Variants in LOC400499 observed in about 807,000 individuals in gnomAD.
At chr16:11,491,683 C>T in the LOC400499 span, 3,309 of 384,404 alleles carry the variant, frequency 8.6e-3, 90 homozygotes, top group African/African-American at 0.061. Context: ...CCCTCCCACA[C>T]ACACACCCAT....
the LOC400499 span, among the ~76,000 whole-genome samples, chr16:11,426,720 G>A: frequency 6.6e-6 from 1 of 151,352 alleles, no homozygotes; most frequent in Non-Finnish European, 1.5e-5. Flanking sequence ...TTTAAGCTCA[G>A]GCATTCCAGA....
chr16:11,427,973 G>A, the LOC400499 span, among the ~76,000 whole-genome samples: 2 of 152,304 alleles, frequency 1.3e-5, no homozygotes, highest in African/African-American at 4.8e-5. Context: ...CAGACCCCAA[G>A]ACAGGCTTCT....
chr16:11,464,701 G>T, the LOC400499 span, among the ~76,000 whole-genome samples: 1 of 152,226 alleles, frequency 6.6e-6, no homozygotes, highest in Non-Finnish European at 1.5e-5. Context: ...GCTCCAGAAA[G>T]TTCCGGAGTT....
the LOC400499 span, among the ~76,000 whole-genome samples, chr16:11,506,509 A>G: frequency 1.3e-5 from 2 of 152,110 alleles, no homozygotes; most frequent in Non-Finnish European, 2.9e-5. Context: ...AGAACACCCA[A>G]GATTGGTGAT....
the LOC400499 span, among the ~76,000 whole-genome samples, chr16:11,388,856 G>C: frequency 7.9e-5 from 12 of 152,186 alleles, no homozygotes; most frequent in Admixed American, 4.6e-4. Context: ...AGCACTTTGA[G>C]AGGCCAAGTT....
chr16:11,428,553 G>T, the LOC400499 span, among the ~76,000 whole-genome samples: 1 of 152,298 alleles, frequency 6.6e-6, no homozygotes, highest in South Asian at 2.1e-4. Flanking sequence ...GCGCTGGTGG[G>T]AATGTAGTAA....
the LOC400499 span, chr16:11,446,526 AG>A: frequency 4.6e-6 from 7 of 1,533,738 alleles, no homozygotes; most frequent in African/African-American, 9.6e-5. Context: ...GGGGTGCAAA[AG>A]TCTCTGGGGT....
the LOC400499 span, among the ~76,000 whole-genome samples, chr16:11,375,468 C>T: frequency 7.1e-6 from 1 of 141,482 alleles, no homozygotes; most frequent in Non-Finnish European, 1.5e-5. Flanking sequence ...CATACACCAC[C>T]ACTCCTGGCT....
chr16:11,457,860 TACG>T, the LOC400499 span, among the ~76,000 whole-genome samples: 5 of 152,222 alleles, frequency 3.3e-5, no homozygotes, highest in Admixed American at 2.0e-4. Context: ...TGACACATGC[TACG>T]ATATGGATGA....
the LOC400499 span, among the ~76,000 whole-genome samples, chr16:11,400,613 A>G: frequency 6.6e-6 from 1 of 151,710 alleles, no homozygotes; most frequent in Non-Finnish European, 1.5e-5. Flanking sequence ...GCTAATTTTT[A>G]TATTTTTAGT....
chr16:11,383,703 C>A, the LOC400499 span: 1 of 1,232,482 alleles, frequency 8.1e-7, no homozygotes, highest in East Asian at 3.2e-5. Flanking sequence ...TGTAGGCGGC[C>A]GCCAGGTTGC....
the LOC400499 span, among the ~76,000 whole-genome samples, chr16:11,417,164 A>C: frequency 0.18 from 27,418 of 151,202 alleles, 2,848 homozygotes; most frequent in African/African-American, 0.29. Context: ...AAAATAAGGT[A>C]TTCACAGATG....
At chr16:11,499,094 G>T in the LOC400499 span, among the ~76,000 whole-genome samples, 3 of 46,638 alleles carry the variant, frequency 6.4e-5, 1 homozygote, top group East Asian at 2.2e-3. Context: ...AGGGGAGGGG[G>T]AAGGGAGAAA....
the LOC400499 span, among the ~76,000 whole-genome samples, chr16:11,513,170 G>A: frequency 2.6e-5 from 4 of 152,132 alleles, no homozygotes; most frequent in South Asian, 4.1e-4. Flanking sequence ...TTGGGAGGGC[G>A]AGGTGGAAGG....
chr16:11,457,591 CAAAA>C, the LOC400499 span, among the ~76,000 whole-genome samples: 3 of 97,088 alleles, frequency 3.1e-5, no homozygotes, highest in Admixed American at 1.2e-4. Context: ...GACTCCATCT[CAAAA>C]AAAAAAAAAA....
At chr16:11,377,114 C>A in the LOC400499 span, among the ~76,000 whole-genome samples, 16 of 152,004 alleles carry the variant, frequency 1.1e-4, no homozygotes. Context: ...CAACCATGCC[C>A]GGCAGGAATT....
chr16:11,410,553 G>A, the LOC400499 span, among the ~76,000 whole-genome samples: 3 of 152,218 alleles, frequency 2.0e-5, no homozygotes, highest in East Asian at 1.9e-4. Flanking sequence ...GTGTAAATGC[G>A]GCAGGGGACC....
chr16:11,501,280 C>G, the LOC400499 span, among the ~76,000 whole-genome samples: 3,483 of 152,204 alleles, frequency 0.023, 106 homozygotes, highest in East Asian at 0.16. Flanking sequence ...GGTAAAAATC[C>G]CTAGCGGAAC....
the LOC400499 span, among the ~76,000 whole-genome samples, chr16:11,409,191 G>A: frequency 1.3e-5 from 2 of 152,220 alleles, no homozygotes; most frequent in Non-Finnish European, 2.9e-5. Context: ...AGCCCAGGTG[G>A]CGGAGGTTGC....
Sources: gnomAD v4.1 joint callset for allele counts (sites outside exome capture counted in the v4.1 genomes callset) on GRCh38, gnomAD v4.1.1 for gene constraint, MANE v1.5 for transcripts.